Variants in KLHL3 observed in about 807,000 individuals in gnomAD.
The protein encoded by KLHL3 is kelch-like protein 3.
A neutral mutation model predicts 70.5 loss-of-function variants in KLHL3; 19 were observed. That is an observed-to-expected ratio of 0.27 (90% CI 0.19 to 0.40). The LOEUF (loss-of-function observed/expected upper bound fraction) is 0.40, where lower values mean the gene tolerates loss of function less well. Among genes scored for constraint, KLHL3 ranks in the 10% least tolerant of loss-of-function variants. The pLI is 1.00. For synonymous variants in KLHL3, 258 were observed against 290.3 expected, an observed-to-expected ratio of 0.89 and a Z score of 1.13; for missense variants, 512 against 771.1, an observed-to-expected ratio of 0.66 and a Z score of 3.98.
chr5:137,660,438 T>G (rs988059697), intron 7 of KLHL3, among the ~76,000 whole-genome samples: 4 of 152,178 alleles, frequency 2.6e-5, no homozygotes, highest in African/African-American at 9.7e-5. Flanking sequence ...AGTGGGAGGT[T>G]TGACTGACAC....
At chr5:137,719,635 C>T (rs1311972367) in intron 2 of KLHL3, among the ~76,000 whole-genome samples, 1 of 152,212 alleles carries the variant, frequency 6.6e-6, no homozygotes, top group African/African-American at 2.4e-5. Context: ...AGCCTGTGTA[C>T]CCCTCACTAT....
chr5:137,725,083 A>G, intron 1 of KLHL3: 2 of 984,684 alleles, frequency 2.0e-6, no homozygotes, highest in Non-Finnish European at 2.4e-6. Flanking sequence ...AACTACTTAA[A>G]CCTCAATAGA....
intron 11 of KLHL3, 67 bp downstream of exon 11, chr5:137,637,227 A>G (rs142981339): frequency 4.7e-6 from 6 of 1,287,430 alleles, no homozygotes; most frequent in Non-Finnish European, 6.8e-6. Context: ...ACCAAGCATG[A>G]TGCTGGACCC....
intron 8 of KLHL3, among the ~76,000 whole-genome samples, chr5:137,657,461 G>A (rs1046502662): frequency 2.0e-5 from 3 of 152,052 alleles, no homozygotes; most frequent in Non-Finnish European, 4.4e-5. Context: ...GGAGCCTGAG[G>A]GTCAGAGAGG....
chr5:137,681,148 G>A (rs1314542221), intron 5 of KLHL3, among the ~76,000 whole-genome samples: 1 of 152,140 alleles, frequency 6.6e-6, no homozygotes, highest in Non-Finnish European at 1.5e-5. Flanking sequence ...TCAGTTCCTT[G>A]AGGCTGCAGG....
At position 137,621,613 on chromosome 5, in the gene KLHL3, A is replaced by C. The variant is rs1750301148; in HGVS notation, c.*485T>G. ...GACTGTCCAACTGGACCTTCAGAAG[A>C]AAGCAGCTTTAGTAGTCTCAGGGTC... On this transcript the variant is annotated 3_prime_UTR_variant, in exon 15 of 15. Transcript: ENST00000309755. 1 of 156,610 alleles carries C rather than the reference A, an allele frequency of 6.4e-6. No individual in the cohort carries two copies. Among genetic ancestry groups the C allele is most frequent in the Non-Finnish European group, 1.4e-5 (1 of 70,612 alleles). 9.7% of individuals were successfully genotyped at this position (156,610 alleles called of 1,614,324 possible).
chr5:137,735,533 C>T (rs1450433618), intron 1 of KLHL3, 100 bp downstream of exon 1: 2 of 929,234 alleles, frequency 2.2e-6, no homozygotes, highest in Admixed American at 3.6e-5. Flanking sequence ...GGTCTTCCAA[C>T]TCTGCCTAGC....
intron 8 of KLHL3, among the ~76,000 whole-genome samples, chr5:137,653,694 A>C (rs979542807): frequency 2.0e-5 from 3 of 152,236 alleles, no homozygotes; most frequent in Non-Finnish European, 4.4e-5. Context: ...ACAGTTTAGC[A>C]ATTTCTTATA....
At chr5:137,677,232 A>C (rs959606231) in intron 6 of KLHL3, among the ~76,000 whole-genome samples, 2 of 152,122 alleles carry the variant, frequency 1.3e-5, no homozygotes, top group African/African-American at 2.4e-5. Context: ...GGATTGCCTG[A>C]GGTCAGGAGT....
At chr5:137,720,256 T>C (rs899755582) in intron 2 of KLHL3, among the ~76,000 whole-genome samples, 3 of 151,064 alleles carry the variant, frequency 2.0e-5, no homozygotes, top group Non-Finnish European at 4.4e-5. Context: ...GCCAAGATCA[T>C]GCCACCTGCA....
At chr5:137,656,827 A>G (rs1751356610) in intron 8 of KLHL3, among the ~76,000 whole-genome samples, 1 of 152,262 alleles carries the variant, frequency 6.6e-6, no homozygotes, top group Non-Finnish European at 1.5e-5. Flanking sequence ...ACAGGTTTGG[A>G]GAGTGATAAA....
intron 11 of KLHL3, 88 bp downstream of exon 11, chr5:137,637,206 G>A: frequency 1.9e-6 from 2 of 1,057,244 alleles, no homozygotes; most frequent in Non-Finnish European, 2.9e-6. Context: ...AAAAAACACG[G>A]TAGAGGAAGC....
At chr5:137,695,017 C>T (rs1212340108) in intron 4 of KLHL3, among the ~76,000 whole-genome samples, 1 of 152,124 alleles carries the variant, frequency 6.6e-6, no homozygotes, top group African/African-American at 2.4e-5. Flanking sequence ...TTCCAGCGAG[C>T]TCCCCAACCC....
intron 1 of KLHL3, among the ~76,000 whole-genome samples, chr5:137,732,304 G>C (rs993893989): frequency 2.6e-5 from 4 of 151,900 alleles, no homozygotes; most frequent in African/African-American, 9.7e-5. Context: ...GAGGGAACTG[G>C]GGAAGACTTA....
chr5:137,632,105 C>T (rs907637583), intron 12 of KLHL3, among the ~76,000 whole-genome samples: 1 of 152,162 alleles, frequency 6.6e-6, no homozygotes, highest in Non-Finnish European at 1.5e-5. Context: ...AGATTCAACA[C>T]AATTCCTATC....
chr5:137,675,223 T>A (rs984161245), intron 6 of KLHL3, among the ~76,000 whole-genome samples: 1 of 152,190 alleles, frequency 6.6e-6, no homozygotes, highest in African/African-American at 2.4e-5. Flanking sequence ...GAGCAACTCA[T>A]ATGTAAGTAT....
intron 1 of KLHL3, among the ~76,000 whole-genome samples, chr5:137,732,282 G>T (rs1019264212): frequency 2.6e-5 from 4 of 151,998 alleles, no homozygotes; most frequent in Non-Finnish European, 5.9e-5. Flanking sequence ...AAGCCACAGT[G>T]ATTCTCCCAT....
In KLHL3 at chr5:137,698,350, C is replaced by T. The variant is rs767481534; in HGVS notation, c.300G>A (p.Thr100=). 9.9e-6 allele frequency: 16 copies of T among 1,614,012 alleles called. No homozygotes were observed. Among genetic ancestry groups the T allele is most frequent in the Middle Eastern group, 3.3e-4 (2 of 6,084 alleles). Reference sequence around the variant, plus strand: ...AGATGTAGTCAATCAGCTTACTCAGCGTCTGCCCATCCACGTCCTTGATTT... The same window carrying T: ...AGATGTAGTCAATCAGCTTACTCAGTGTCTGCCCATCCACGTCCTTGATTT... ...KIEIKDVDGQ[T]LSKLIDYIYT... The change falls in exon 4 of 15, where the codon ACG becomes ACA. Residue 100 remains threonine, a synonymous_variant. Coordinates refer to ENST00000309755, the MANE Select transcript of KLHL3 (RefSeq NM_017415.3).
rs201519598 is a variant in KLHL3 at position 137,712,156 on chromosome 5, CAAAAAAAA to C, written c.135-2308_135-2301del. 3.5e-3 allele frequency among the ~76,000 whole-genome samples: 265 copies of C among 74,874 alleles called. 3 individuals are homozygous for C. The highest frequency in any genetic ancestry group is 0.034 in the Middle Eastern group (5 of 148). 49.1% of individuals were successfully genotyped at this position (74,874 alleles called of 152,430 possible). ...CCTGGGTGACAGAGCAAGATTCTGTCAAAAAAAAAAAAAAAAAAAAAAAAAAGAGTAAC... is the reference window on the plus strand; with the variant it reads ...CCTGGGTGACAGAGCAAGATTCTGTCAAAAAAAAAAAAAAAAAAGAGTAAC... On this transcript the variant is annotated intron_variant, in intron 2 of 14. Transcript: ENST00000309755.
Sources: allele counts gnomAD v4.1 joint callset (sites outside exome capture counted in the v4.1 genomes callset), GRCh38; gene constraint gnomAD v4.1.1; transcripts MANE v1.5; gene names NCBI Gene and HGNC (gene_info 2026-07-23, HGNC 2026-07-21).